The following CAPN14 variants were observed in gnomAD, a reference collection of about 807,000 sequenced individuals.
CAPN14 encodes calpain-14.
In CAPN14, 94 loss-of-function variants were observed where a neutral mutation model predicts 101.3. That is an observed-to-expected ratio of 0.93 (90% confidence interval 0.79 to 1.10). The LOEUF is 1.10. Ranked by LOEUF, CAPN14 falls within the 50% of genes least tolerant of loss-of-function variation. The pLI, the probability that CAPN14 is intolerant of heterozygous loss-of-function variation, is 0.00. For missense variants in CAPN14, 837 were observed against 828.4 expected (o/e 1.01, Z -0.13); for synonymous variants, 338 against 317.9 (o/e 1.06, Z -0.67).
At chr2:31,180,839 G>T (rs1680556140) in intron 17 of CAPN14, 97 bp downstream of exon 17, 1 of 1,025,588 alleles carries the variant, frequency 9.8e-7, no homozygotes, top group Non-Finnish European at 1.5e-6. Context: ...CCCACAATTA[G>T]CAAGGATTGG....
chr2:31,204,446 A>AG (rs371678309), intron 2 of CAPN14, among the ~76,000 whole-genome samples: 12 of 152,272 alleles, frequency 7.9e-5, no homozygotes, highest in African/African-American at 2.9e-4. Flanking sequence ...GCTTCAGGAT[A>AG]GGGTCTGGTC....
At chr2:31,185,959 G>A (rs1048433595) in intron 16 of CAPN14, among the ~76,000 whole-genome samples, 4 of 152,016 alleles carry the variant, frequency 2.6e-5, no homozygotes, top group East Asian at 1.9e-4. Flanking sequence ...AAAGCCTCAC[G>A]CTACTCATTT....
At chr2:31,233,469 G>A (rs554850372) in intron 1 of CAPN14, among the ~76,000 whole-genome samples, 1 of 152,280 alleles carries the variant, frequency 6.6e-6, no homozygotes, top group African/African-American at 2.4e-5. Flanking sequence ...GTATTCCCAT[G>A]ACCCTCTGCT....
chr2:31,207,646 A>C (rs902788910), intron 1 of CAPN14, among the ~76,000 whole-genome samples: 1 of 152,134 alleles, frequency 6.6e-6, no homozygotes, highest in Non-Finnish European at 1.5e-5. Flanking sequence ...GTATGACTGT[A>C]ATCTTAGCTA....
Position 31,187,527 on chromosome 2 carries a change from T to C in CAPN14, c.1587+231A>G, listed in dbSNP as rs59201961. 7.6e-4 allele frequency among the ~76,000 whole-genome samples: 115 copies of C among 152,118 alleles called. 1 individual carries two copies. In the East Asian group the frequency reaches 0.022, roughly 29 times the overall value. ...AGTTGCTTTCCCTACAACTAATCAA[T>C]GAGCGTCCAAGAACAGAGAATCATT... On this transcript the variant is annotated intron_variant, in intron 15 of 21. Transcript: ENST00000403897.
At chr2:31,216,783 G>A (rs1682665319) in intron 1 of CAPN14, among the ~76,000 whole-genome samples, 1 of 152,064 alleles carries the variant, frequency 6.6e-6, no homozygotes, top group Non-Finnish European at 1.5e-5. Context: ...GATTTCCAGT[G>A]CCCATAGGCC....
At chr2:31,193,047 C>G (rs1418099617) in intron 10 of CAPN14, 84 bp downstream of exon 10, 1 of 1,329,444 alleles carries the variant, frequency 7.5e-7, no homozygotes, top group Admixed American at 2.2e-5. Flanking sequence ...ATGCAGAATT[C>G]GTGCTGCAAC....
intron 10 of CAPN14, among the ~76,000 whole-genome samples, chr2:31,192,331 C>G (rs1355022809): frequency 6.6e-6 from 1 of 152,170 alleles, no homozygotes; most frequent in African/African-American, 2.4e-5. Flanking sequence ...CCACTGTAGC[C>G]TTTGTCTTGC....
At chr2:31,183,286 C>A (rs1300427657) in intron 16 of CAPN14, among the ~76,000 whole-genome samples, 1 of 152,194 alleles carries the variant, frequency 6.6e-6, no homozygotes, top group African/African-American at 2.4e-5. Flanking sequence ...GCAAGGACTT[C>A]ATGACTAAAA....
At chr2:31,199,021 C>T (rs1681613476) in intron 7 of CAPN14, among the ~76,000 whole-genome samples, 1 of 152,190 alleles carries the variant, frequency 6.6e-6, no homozygotes. Context: ...GTGACCATAC[C>T]TGACTGTAAG....
At chr2:31,174,942 C>G (rs1680220209) in intron 21 of CAPN14, among the ~76,000 whole-genome samples, 1 of 152,186 alleles carries the variant, frequency 6.6e-6, no homozygotes, top group Non-Finnish European at 1.5e-5. Flanking sequence ...ATTCAGTTCT[C>G]AATGAATTTT....
chr2:31,233,586 T>C (rs977560221), intron 1 of CAPN14, among the ~76,000 whole-genome samples: 2 of 152,186 alleles, frequency 1.3e-5, no homozygotes, highest in African/African-American at 2.4e-5. Flanking sequence ...TGCCCCATAA[T>C]AAATTCCCAA....
chr2:31,194,512 T>C lies in CAPN14; in HGVS notation c.876-29A>G, dbSNP rs1681371173. On this transcript the variant is annotated intron_variant, in intron 8 of 21. Coordinates refer to ENST00000403897, the MANE Select transcript of CAPN14 (RefSeq NM_001145122.2). ...AAAATAGAAAAGGGAATGAAAAGCT[T>C]GTGGGGAGCATGCTAGAAATTCTTT... 3 of 1,476,548 alleles carry C rather than the reference T, an allele frequency of 2.0e-6. No homozygotes were observed. The African/African-American group carries it at 4.2e-5, about 21-fold the overall frequency. The allele number at this position is 1,476,548 out of a possible 1,614,324, so 91.5% of individuals were successfully genotyped here.
At chr2:31,197,419 G>A in intron 7 of CAPN14, 85 bp from the exon 8 acceptor site, 1 of 915,224 alleles carries the variant, frequency 1.1e-6, no homozygotes, top group Non-Finnish European at 1.7e-6. Flanking sequence ...CTGGAGCTGA[G>A]CACTTGCAGT....
intron 13 of CAPN14, 53 bp downstream of exon 13, chr2:31,189,220 C>T (rs749216400): frequency 1.4e-4 from 208 of 1,500,710 alleles, no homozygotes; most frequent in Non-Finnish European, 1.8e-4. Flanking sequence ...GCCCTCCTTG[C>T]CTGTCCTCGT....
intron 1 of CAPN14, among the ~76,000 whole-genome samples, chr2:31,231,206 C>G (rs1683182857): frequency 1.3e-5 from 2 of 151,550 alleles, no homozygotes. Context: ...CTTTTTTTTA[C>G]TATTGCTCTA....
At position 31,189,678 on chromosome 2, in the gene CAPN14, C is replaced by A. The variant is rs1681081378; in HGVS notation, c.1288-200G>T. The A allele has an allele frequency of 4.4e-6, 3 of 679,272 alleles. No individual in the cohort carries two copies. In the South Asian group the frequency reaches 4.5e-5, roughly 10 times the overall value. The allele number at this position is 679,272 out of a possible 1,614,324, so 42.1% of individuals were successfully genotyped here. A position where few individuals can be genotyped will look rare whatever the true frequency, so the allele number is the denominator to read the frequency against. Reference sequence around the variant, plus strand: ...GTGGAGGGCTGCACCTTTGCTGGAACCTATCAGGGGCTACATAAACACGTG... The same window carrying A: ...GTGGAGGGCTGCACCTTTGCTGGAAACTATCAGGGGCTACATAAACACGTG... On this transcript the variant is annotated intron_variant, in intron 12 of 21. Transcript: ENST00000403897.
intron 2 of CAPN14, among the ~76,000 whole-genome samples, chr2:31,203,462 T>C (rs1179511001): frequency 1.3e-5 from 2 of 152,212 alleles, no homozygotes; most frequent in Admixed American, 6.5e-5. Context: ...TCAGTTTTCC[T>C]AGATATCTTC....
chr2:31,195,157 A>T (rs1490115534), intron 8 of CAPN14, among the ~76,000 whole-genome samples: 1 of 152,110 alleles, frequency 6.6e-6, no homozygotes, highest in Non-Finnish European at 1.5e-5. Flanking sequence ...AGTATCCGAA[A>T]GGAGGGGGCT....
Sources: gnomAD v4.1 joint callset for allele counts (sites outside exome capture counted in the v4.1 genomes callset) on GRCh38, gnomAD v4.1.1 for gene constraint, MANE v1.5 for transcripts, NCBI Gene and HGNC (gene_info 2026-07-23, HGNC 2026-07-21) for gene names.